Variants in CCBE1 observed in about 807,000 individuals in gnomAD.
CCBE1 encodes collagen and calcium binding EGF domains 1.
CCBE1 carries 37 observed loss-of-function variants against 50.0 expected under a neutral mutation model. The observed-to-expected ratio is 0.74, with a 90% CI of 0.57 to 0.97. CCBE1 has a LOEUF of 0.97. Among genes scored for constraint, CCBE1 ranks in the 50% least tolerant of loss-of-function variants. The pLI, the probability that CCBE1 is intolerant of heterozygous loss-of-function variation, is 0.00. For synonymous variants in CCBE1, 234 were observed against 203.7 expected (o/e 1.15, Z -1.27); for missense variants, 538 against 523.8 (o/e 1.03, Z -0.26).
intron 2 of CCBE1, among the ~76,000 whole-genome samples, chr18:59,519,359 T>C (rs1246978815): frequency 6.6e-6 from 1 of 152,172 alleles, no homozygotes; most frequent in Admixed American, 6.5e-5. Context: ...AGAAAATGTT[T>C]AGGTACTATG....
chr18:59,666,008 T>A (rs1311774169), intron 2 of CCBE1: 1 of 152,358 alleles, frequency 6.6e-6, no homozygotes, highest in African/African-American at 2.4e-5. Flanking sequence ...CAGTCCGTTT[T>A]CATGCTGCTG....
At chr18:59,556,573 A>T (rs1326890664) in intron 2 of CCBE1, among the ~76,000 whole-genome samples, 2 of 152,182 alleles carry the variant, frequency 1.3e-5, no homozygotes, top group Non-Finnish European at 1.5e-5. Flanking sequence ...GCAGCAGGGC[A>T]CAAGTAGAAG....
chr18:59,594,908 A>C (rs1328185755), intron 2 of CCBE1, among the ~76,000 whole-genome samples: 1 of 151,998 alleles, frequency 6.6e-6, no homozygotes, highest in Admixed American at 6.6e-5. Flanking sequence ...GGTCAAGAGA[A>C]CAAGATCAGC....
chr18:59,533,846 A>G (rs1253458076), intron 2 of CCBE1, among the ~76,000 whole-genome samples: 1 of 152,192 alleles, frequency 6.6e-6, no homozygotes, highest in East Asian at 1.9e-4. Flanking sequence ...ATGTGCATAT[A>G]ATTTATATAT....
At chr18:59,556,963 G>C (rs2052665229) in intron 2 of CCBE1, among the ~76,000 whole-genome samples, 1 of 132,602 alleles carries the variant, frequency 7.5e-6, no homozygotes, top group Admixed American at 7.3e-5. Flanking sequence ...CATTAGTGCT[G>C]GCCACCAGGG....
At chr18:59,578,285 A>G (rs934733024) in intron 2 of CCBE1, among the ~76,000 whole-genome samples, 1 of 152,228 alleles carries the variant, frequency 6.6e-6, no homozygotes, top group African/African-American at 2.4e-5. Context: ...GCGATCATTA[A>G]CAAGTCAGGA....
rs200874648 is a variant in CCBE1 at position 59,436,951 on chromosome 18, G to C, written c.988-810C>G. ...TGTGCCACTGCACTCCAGCCTGGGT[G>C]ACAGAGTGAGACCCTGTCTCAAAAA... On this transcript the variant is annotated intron_variant, in intron 10 of 10. Coordinates refer to ENST00000439986, the MANE Select transcript of CCBE1 (RefSeq NM_133459.4). Among the ~76,000 whole-genome samples the C allele has an allele frequency of 4.6e-5, 7 of 152,002 alleles. No individual in the cohort carries two copies. The East Asian group carries it at 1.2e-3, about 25-fold the overall frequency.
chr18:59,442,989 T>C (rs1490120053), intron 7 of CCBE1, among the ~76,000 whole-genome samples: 1 of 141,740 alleles, frequency 7.1e-6, no homozygotes, highest in African/African-American at 2.7e-5. Context: ...GGTTGAGGGG[T>C]TGTGTTTTGT....
chr18:59,587,417 T>C (rs1434816710), intron 2 of CCBE1, among the ~76,000 whole-genome samples: 1 of 152,174 alleles, frequency 6.6e-6, no homozygotes, highest in African/African-American at 2.4e-5. Context: ...CCAAAAAGCA[T>C]TTGCTAGCAT....
At chr18:59,538,715 A>G (rs765219846) in intron 2 of CCBE1, among the ~76,000 whole-genome samples, 3 of 152,214 alleles carry the variant, frequency 2.0e-5, no homozygotes, top group Non-Finnish European at 4.4e-5. Context: ...AAGTTGGATG[A>G]GCCTGACAGA....
intron 2 of CCBE1, among the ~76,000 whole-genome samples, chr18:59,689,680 C>A (rs1012175952): frequency 6.6e-6 from 1 of 152,144 alleles, no homozygotes; most frequent in Non-Finnish European, 1.5e-5. Context: ...CAGTCACTGT[C>A]GGAAAACATG....
At chr18:59,679,565 C>T (rs1279182798) in intron 2 of CCBE1, among the ~76,000 whole-genome samples, 1 of 152,160 alleles carries the variant, frequency 6.6e-6, no homozygotes, top group Non-Finnish European at 1.5e-5. Flanking sequence ...ATTGGCATAT[C>T]TGAAAACTGT....
intron 2 of CCBE1, among the ~76,000 whole-genome samples, chr18:59,642,151 A>G (rs552713752): frequency 1.3e-5 from 2 of 151,984 alleles, no homozygotes; most frequent in Admixed American, 6.5e-5. Context: ...TAAAGAATCA[A>G]TGAATCAATA....
chr18:59,441,945 C>T (rs547439345), intron 7 of CCBE1, among the ~76,000 whole-genome samples: 2 of 152,270 alleles, frequency 1.3e-5, no homozygotes, highest in Admixed American at 1.3e-4. Context: ...GAGAATAAAG[C>T]TCTAACTCCT....
At chr18:59,585,519 A>G (rs1176807184) in intron 2 of CCBE1, among the ~76,000 whole-genome samples, 3 of 152,234 alleles carry the variant, frequency 2.0e-5, no homozygotes, top group Non-Finnish European at 4.4e-5. Context: ...TGAATATTCA[A>G]TCAAATCCAT....
intron 2 of CCBE1, among the ~76,000 whole-genome samples, chr18:59,551,145 A>G: frequency 6.6e-6 from 1 of 152,172 alleles, no homozygotes; most frequent in East Asian, 1.9e-4. Flanking sequence ...ATCAGAGCAT[A>G]CTTACACAAA....
intron 2 of CCBE1, among the ~76,000 whole-genome samples, chr18:59,627,707 C>G (rs540233162): frequency 1.3e-5 from 2 of 152,262 alleles, no homozygotes; most frequent in African/African-American, 4.8e-5. Flanking sequence ...TGTCAGCAAC[C>G]CCCAGACGCT....
At chr18:59,446,273 C>T (rs1910664091) in intron 7 of CCBE1, among the ~76,000 whole-genome samples, 1 of 152,156 alleles carries the variant, frequency 6.6e-6, no homozygotes, top group African/African-American at 2.4e-5. Flanking sequence ...CCAATGACTC[C>T]CCTGCTCCTA....
intron 2 of CCBE1, among the ~76,000 whole-genome samples, chr18:59,639,133 C>A (rs541148852): frequency 6.6e-6 from 1 of 152,232 alleles, no homozygotes; most frequent in East Asian, 1.9e-4. Context: ...ATAAGCCAGG[C>A]ATGGTGGTGT....
Sources: gnomAD v4.1 joint callset for allele counts (sites outside exome capture counted in the v4.1 genomes callset) on GRCh38, gnomAD v4.1.1 for gene constraint, MANE v1.5 for transcripts, NCBI Gene and HGNC (gene_info 2026-07-23, HGNC 2026-07-21) for gene names.